TDRP: variants seen among roughly 807,000 people sequenced by gnomAD.
TDRP encodes the protein testis development related protein, also known as testis development-related protein.
Under a neutral mutation model 10.5 loss-of-function variants are expected in TDRP, and 12 were observed. The observed-to-expected ratio is 1.15, with a 90% confidence interval of 0.73 to 1.86. The LOEUF is 1.86. Ranked by LOEUF, TDRP falls within the 40% of genes most tolerant of loss-of-function variation. TDRP has a pLI of 0.00. For synonymous variants in TDRP, 139 were observed against 95.4 expected (o/e 1.46, Z -2.67); for missense variants, 353 against 229.2 (o/e 1.54, Z -3.49).
intron 1 of TDRP, among the ~76,000 whole-genome samples, chr8:525,868 G>A (rs763245040): frequency 6.6e-5 from 10 of 152,270 alleles, no homozygotes; most frequent in African/African-American, 9.6e-5. Context: ...ATCAGTTTGA[G>A]TACAATTGCT....
chr8:532,659 T>G (rs1258738851), intron 1 of TDRP, among the ~76,000 whole-genome samples: 1 of 152,238 alleles, frequency 6.6e-6, no homozygotes, highest in African/African-American at 2.4e-5. Flanking sequence ...ATGCTATTTA[T>G]TTCTGAGTTT....
intron 1 of TDRP, among the ~76,000 whole-genome samples, chr8:538,283 C>G (rs1443320113): frequency 6.6e-6 from 1 of 152,190 alleles, no homozygotes; most frequent in African/African-American, 2.4e-5. Flanking sequence ...ATGAGGAACT[C>G]AATCAGACAT....
At chr8:541,699 A>G (rs1445195893) in intron 1 of TDRP, among the ~76,000 whole-genome samples, 2 of 152,208 alleles carry the variant, frequency 1.3e-5, no homozygotes, top group African/African-American at 4.8e-5. Context: ...ATTCAAGACA[A>G]AGAGAAACCA....
intron 1 of TDRP, among the ~76,000 whole-genome samples, chr8:536,261 G>A (rs993257541): frequency 6.6e-6 from 1 of 152,210 alleles, no homozygotes; most frequent in African/African-American, 2.4e-5. Flanking sequence ...ACAGGCCCAA[G>A]CAAGTAGAAG....
chr8:497,626 A>G (rs1164841614), intron 1 of TDRP, among the ~76,000 whole-genome samples: 1 of 152,204 alleles, frequency 6.6e-6, no homozygotes, highest in Admixed American at 6.5e-5. Context: ...CTGGGAAGAA[A>G]TTCAAGCTGC....
chr8:523,977 A>G (rs934388111), intron 1 of TDRP, among the ~76,000 whole-genome samples: 1 of 152,206 alleles, frequency 6.6e-6, no homozygotes, highest in Non-Finnish European at 1.5e-5. Flanking sequence ...GGCAGTGGTT[A>G]TAGCAGGGCC....
chr8:529,748 G>C (rs1275611500), intron 1 of TDRP, among the ~76,000 whole-genome samples: 2 of 152,184 alleles, frequency 1.3e-5, no homozygotes, highest in East Asian at 1.9e-4. Context: ...TAATCTTATG[G>C]GAGCTCCCTT....
intron 1 of TDRP, among the ~76,000 whole-genome samples, chr8:526,723 T>A (rs1802045259): frequency 6.6e-6 from 1 of 152,220 alleles, no homozygotes; most frequent in Non-Finnish European, 1.5e-5. Flanking sequence ...AGAATAGCTT[T>A]GGACTTATTC....
chr8:523,776 C>A (rs1353839947), intron 1 of TDRP, among the ~76,000 whole-genome samples: 1 of 152,122 alleles, frequency 6.6e-6, no homozygotes, highest in East Asian at 1.9e-4. Context: ...AGCTAGGCTG[C>A]AGTAGAATAG....
intron 1 of TDRP, among the ~76,000 whole-genome samples, chr8:517,117 G>A (rs1326802263): frequency 1.3e-5 from 2 of 152,132 alleles, no homozygotes; most frequent in Non-Finnish European, 2.9e-5. Flanking sequence ...TGGCGCTCAG[G>A]CAAAACTGAA....
intron 1 of TDRP, among the ~76,000 whole-genome samples, chr8:509,649 G>C (rs1209735345): frequency 2.0e-5 from 3 of 152,136 alleles, no homozygotes; most frequent in African/African-American, 7.2e-5. Context: ...CTCCAGGCCT[G>C]TGATGGGAGG....
intron 1 of TDRP, among the ~76,000 whole-genome samples, chr8:499,960 G>C (rs1202858395): frequency 6.6e-6 from 1 of 152,188 alleles, no homozygotes; most frequent in Non-Finnish European, 1.5e-5. Context: ...AAGCCCTGTA[G>C]AGTGTTCTAT....
intron 1 of TDRP, among the ~76,000 whole-genome samples, chr8:508,907 G>C (rs898424734): frequency 3.3e-5 from 5 of 152,194 alleles, no homozygotes; most frequent in African/African-American, 1.2e-4. Flanking sequence ...TGGAGATACA[G>C]ACATTGGGTA....
intron 1 of TDRP, among the ~76,000 whole-genome samples, chr8:517,343 C>T (rs1252492837): frequency 1.3e-5 from 2 of 152,186 alleles, no homozygotes; most frequent in Admixed American, 1.3e-4. Flanking sequence ...TGGGGCATCC[C>T]CATCCCTTCC....
At chr8:536,315 G>C (rs773522820) in intron 1 of TDRP, among the ~76,000 whole-genome samples, 1 of 152,220 alleles carries the variant, frequency 6.6e-6, no homozygotes, top group Admixed American at 6.5e-5. Context: ...TCTGGGAGAA[G>C]ATTCTAGAGC....
At chr8:504,276 A>T (rs942581768) in intron 1 of TDRP, among the ~76,000 whole-genome samples, 6 of 152,240 alleles carry the variant, frequency 3.9e-5, no homozygotes, top group Admixed American at 2.0e-4. Context: ...GCCTCAAAAA[A>T]GGCCCCACTG....
intron 1 of TDRP, among the ~76,000 whole-genome samples, chr8:521,324 G>A (rs1010955671): frequency 6.6e-6 from 1 of 151,862 alleles, no homozygotes; most frequent in Admixed American, 6.6e-5. Context: ...GGCTGAGGCA[G>A]GAGAATGGCG....
chr8:510,304 C>A (rs545865884), intron 1 of TDRP, among the ~76,000 whole-genome samples: 1 of 152,172 alleles, frequency 6.6e-6, no homozygotes, highest in Admixed American at 6.5e-5. Flanking sequence ...TAACCACCCC[C>A]CATCCCGAGG....
intron 1 of TDRP, among the ~76,000 whole-genome samples, chr8:504,753 G>C (rs1193976177): frequency 1.3e-5 from 2 of 152,210 alleles, no homozygotes; most frequent in Admixed American, 6.5e-5. Context: ...CTTGATGCCA[G>C]TTAAGTTTGA....
Sources: allele counts gnomAD v4.1 joint callset (sites outside exome capture counted in the v4.1 genomes callset), GRCh38; gene constraint gnomAD v4.1.1; transcripts MANE v1.5; gene names NCBI Gene and HGNC (gene_info 2026-07-23, HGNC 2026-07-21).